The following NOPCHAP1 variants were observed in gnomAD, a reference collection of about 807,000 sequenced individuals.
NOPCHAP1 encodes NOP protein chaperone 1, also known as DNA damage-sensitive RNA 1.
NOPCHAP1 carries 13 observed loss-of-function variants against 14.0 expected under a neutral mutation model. The ratio of observed to expected loss-of-function variants is 0.93; its 90% CI spans 0.60 to 1.47. NOPCHAP1 has a LOEUF of 1.47. NOPCHAP1 is among the 40% of genes most tolerant of loss of function. NOPCHAP1 has a pLI of 0.00. For missense variants in NOPCHAP1, 230 were observed against 226.9 expected (o/e 1.01, Z -0.09); for synonymous variants, 78 against 78.4 (o/e 1.00, Z 0.03).
At position 104,991,781 on chromosome 12, in the gene NOPCHAP1, C is replaced by A; in HGVS notation, c.272C>A (p.Ala91Glu). The change falls in exon 3 of 4, where the codon GCA becomes GAA. Residue 91 changes from alanine to glutamate, a missense_variant. Coordinates refer to ENST00000552951, the MANE Select transcript of NOPCHAP1 (RefSeq NM_152318.3). ...AATGAAAAGCTAAGAAAAGAAATGG[C>A]AGCTGCACCACCTGGTCGTTTCAAT... The part of the protein sequence containing the change: ...RANEKLRKEM[A>E]AAPPGRFNIE... 1.2e-6 allele frequency: 2 copies of A among 1,613,632 alleles called. No individual in the cohort carries two copies. The highest frequency in any genetic ancestry group is 1.7e-6 in the Non-Finnish European group (2 of 1,179,868).
chr12:104,987,181 G>A (rs755018539), intron 1 of NOPCHAP1, among the ~76,000 whole-genome samples: 3 of 152,212 alleles, frequency 2.0e-5, no homozygotes, highest in Non-Finnish European at 4.4e-5. Flanking sequence ...GGTTTTGTGA[G>A]AACCCAGAGA....
rs1011617731 is a variant in NOPCHAP1, at chr12:104,997,771, C to T, written c.*3075C>T. 6.6e-6 allele frequency: 1 copy of T among 152,206 alleles called. No individual in the cohort carries two copies. 9.4% of individuals were successfully genotyped at this position (152,206 alleles called of 1,614,324 possible). A position where few individuals can be genotyped will look rare whatever the true frequency, so the allele number is the denominator to read the frequency against. ...TCTCTAGCAAGGTTGGGGAAGTTTT[C>T]ATCAGCGATATCCTGAAATATGTTT... On this transcript the variant is annotated 3_prime_UTR_variant, in exon 4 of 4. Coordinates refer to ENST00000552951, the MANE Select transcript of NOPCHAP1 (RefSeq NM_152318.3).
At chr12:104,994,186 A>G (rs920092196) in intron 3 of NOPCHAP1, among the ~76,000 whole-genome samples, 2 of 152,106 alleles carry the variant, frequency 1.3e-5, no homozygotes, top group Non-Finnish European at 2.9e-5. Context: ...CTCTACTGAA[A>G]ATACAAAAAT....
At chr12:104,992,521 C>T (rs981527052) in intron 3 of NOPCHAP1, among the ~76,000 whole-genome samples, 2 of 152,164 alleles carry the variant, frequency 1.3e-5, no homozygotes, top group Admixed American at 6.5e-5. Context: ...CTGGGGGCTT[C>T]CCATCACGTT....
chr12:105,016,956 G>A lies in NOPCHAP1; in HGVS notation c.*22260G>A, dbSNP rs1017335523. 2 of 152,200 alleles carry A rather than the reference G, an allele frequency of 1.3e-5. No homozygotes were observed. The highest frequency in any genetic ancestry group is 4.8e-5 in the African/African-American group (2 of 41,450). 9.4% of individuals were successfully genotyped at this position (152,200 alleles called of 1,614,324 possible). ...TTGATGGCAGTTTGGCATTTGGAGA[G>A]CAGTTGCACTCCTAAAATGAGTGAA... On this transcript the variant is annotated 3_prime_UTR_variant, in exon 4 of 4. Coordinates refer to ENST00000552951, the MANE Select transcript of NOPCHAP1 (RefSeq NM_152318.3).
Position 105,014,542 on chromosome 12 carries a change from T to G in NOPCHAP1, c.*19846T>G, listed in dbSNP as rs1253126702. On this transcript the variant is annotated 3_prime_UTR_variant, in exon 4 of 4. Transcript: ENST00000552951. ...TTCTCAAACATACCTATTTTTATTT[T>G]AAGAATTCCTTTCTAGTTTGAGTTG... 1 of 152,242 alleles carries G rather than the reference T, an allele frequency of 6.6e-6. No homozygotes were observed. Among genetic ancestry groups the G allele is most frequent in the Admixed American group, 6.5e-5 (1 of 15,290 alleles). 9.4% of individuals were successfully genotyped at this position (152,242 alleles called of 1,614,324 possible).
At position 105,003,008 on chromosome 12, in the gene NOPCHAP1, G is replaced by A. The variant is rs1386597059; in HGVS notation, c.*8312G>A. On this transcript the variant is annotated 3_prime_UTR_variant, in exon 4 of 4. Coordinates refer to ENST00000552951, the MANE Select transcript of NOPCHAP1 (RefSeq NM_152318.3). ...GAGTATTGAGGTAAAGATGGGTAAA[G>A]AGAAAGAACAAAACAGGTTTGAATC... is the stretch of plus-strand genomic sequence containing the variant. The A allele has an allele frequency of 6.6e-6, 1 of 152,190 alleles. No individual in the cohort carries two copies. Among genetic ancestry groups the A allele is most frequent in the Non-Finnish European group, 1.5e-5 (1 of 68,026 alleles). 9.4% of individuals were successfully genotyped at this position (152,190 alleles called of 1,614,324 possible).
rs181823469 is a variant in NOPCHAP1, at chr12:104,994,915, C to T, written c.*219C>T. The T allele has an allele frequency of 7.9e-6, 4 of 507,312 alleles. No homozygotes were observed. The highest frequency in any genetic ancestry group is 3.7e-5 in the East Asian group (1 of 27,204). The allele number at this position is 507,312 out of a possible 1,614,324, so 31.4% of individuals were successfully genotyped here. ...AAGGGGTTCAGAGACCTCCGCTCTA[C>T]AGCAAGGAAAGTGTGCTTTTATCAG... On this transcript the variant is annotated 3_prime_UTR_variant, in exon 4 of 4. Coordinates refer to ENST00000552951, the MANE Select transcript of NOPCHAP1 (RefSeq NM_152318.3).
chr12:104,986,542 G>A (rs1184283623), intron 1 of NOPCHAP1, 75 bp downstream of exon 1: 8 of 1,255,370 alleles, frequency 6.4e-6, no homozygotes, highest in Non-Finnish European at 8.6e-6. Flanking sequence ...TTTGGGAGCC[G>A]GCCGGTGGCT....
rs1002180807 is a variant in NOPCHAP1, at chr12:105,006,889, T to C, written c.*12193T>C. ...TATTTCGTTTGTGGCATTTTTTTTTTCCAGATGAGGGTACTTCTGTTTGTA... is the reference window on the plus strand; with the variant it reads ...TATTTCGTTTGTGGCATTTTTTTTTCCCAGATGAGGGTACTTCTGTTTGTA... On this transcript the variant is annotated 3_prime_UTR_variant, in exon 4 of 4. Coordinates refer to ENST00000552951, the MANE Select transcript of NOPCHAP1 (RefSeq NM_152318.3). 3 of 152,178 alleles carry C rather than the reference T, an allele frequency of 2.0e-5. No homozygotes were observed. Among genetic ancestry groups the C allele is most frequent in the African/African-American group, 7.2e-5 (3 of 41,446 alleles). 9.4% of individuals were successfully genotyped at this position (152,178 alleles called of 1,614,324 possible). A position where few individuals can be genotyped will look rare whatever the true frequency, so the allele number is the denominator to read the frequency against.
At chr12:104,988,903 A>T (rs554386469) in intron 2 of NOPCHAP1, among the ~76,000 whole-genome samples, 1 of 152,260 alleles carries the variant, frequency 6.6e-6, no homozygotes, top group South Asian at 2.1e-4. Context: ...AGCTGAAATG[A>T]CCATATGGTG....
rs1233995862 is a variant in NOPCHAP1, at chr12:105,007,677, C to T, written c.*12981C>T. The T allele has an allele frequency of 6.6e-6, 1 of 151,476 alleles. No individual in the cohort carries two copies. The highest frequency in any genetic ancestry group is 2.4e-5 in the African/African-American group (1 of 41,138). The allele number at this position is 151,476 out of a possible 1,614,324, so 9.4% of individuals were successfully genotyped here. On this transcript the variant is annotated 3_prime_UTR_variant, in exon 4 of 4. Transcript: ENST00000552951. ...CCCTAGGCCCCCACCCCCCAACAGG[C>T]CCCAGTGTGTGATGTTCCCCTCCCT...
Position 104,996,718 on chromosome 12 carries a change from C to T in NOPCHAP1, c.*2022C>T, listed in dbSNP as rs1193987205. 1 of 152,124 alleles carries T rather than the reference C, an allele frequency of 6.6e-6. No homozygotes were observed. The highest frequency in any genetic ancestry group is 2.4e-5 in the African/African-American group (1 of 41,414). The allele number at this position is 152,124 out of a possible 1,614,324, so 9.4% of individuals were successfully genotyped here. A position where few individuals can be genotyped will look rare whatever the true frequency, so the allele number is the denominator to read the frequency against. On this transcript the variant is annotated 3_prime_UTR_variant, in exon 4 of 4. Transcript: ENST00000552951. ...ACTGTCAGTGGGGTGTTAAAGTCTCCCACTATTATCTAGCTCTCTTTGTAG... is the reference window on the plus strand; with the variant it reads ...ACTGTCAGTGGGGTGTTAAAGTCTCTCACTATTATCTAGCTCTCTTTGTAG...
Position 105,000,859 on chromosome 12 carries a change from C to T in NOPCHAP1, c.*6163C>T, listed in dbSNP as rs1317584494. On this transcript the variant is annotated 3_prime_UTR_variant, in exon 4 of 4. Coordinates refer to ENST00000552951, the MANE Select transcript of NOPCHAP1 (RefSeq NM_152318.3). ...AAGGCCTTGCAGTATTTAGTCATGT[C>T]AGTTTACAGGAGCAGGAGATATATG... The T allele has an allele frequency of 1.3e-5, 2 of 151,728 alleles. No homozygotes were observed. The highest frequency in any genetic ancestry group is 2.9e-5 in the Non-Finnish European group (2 of 67,952). 9.4% of individuals were successfully genotyped at this position (151,728 alleles called of 1,614,324 possible). A position where few individuals can be genotyped will look rare whatever the true frequency, so the allele number is the denominator to read the frequency against.
rs1391879413 is a variant in NOPCHAP1, at chr12:104,996,335, TA to T, written c.*1644del. The T allele has an allele frequency of 6.6e-6, 1 of 152,102 alleles. No homozygotes were observed. Among genetic ancestry groups the T allele is most frequent in the Non-Finnish European group, 1.5e-5 (1 of 68,012 alleles). The allele number at this position is 152,102 out of a possible 1,614,324, so 9.4% of individuals were successfully genotyped here. On this transcript the variant is annotated 3_prime_UTR_variant, in exon 4 of 4. Coordinates refer to ENST00000552951, the MANE Select transcript of NOPCHAP1 (RefSeq NM_152318.3). ...TACTTTTTTATAGTTCCCCTCCTTT[TA>T]AAAAGATGTTTTACATTTTATTATT...
chr12:104,991,258 C>G (rs1217883558), intron 2 of NOPCHAP1, among the ~76,000 whole-genome samples: 2 of 152,022 alleles, frequency 1.3e-5, no homozygotes, highest in Admixed American at 6.6e-5. Flanking sequence ...AAAAGGAAAG[C>G]CAGGGTTATA....
intron 1 of NOPCHAP1, among the ~76,000 whole-genome samples, chr12:104,987,374 G>T (rs190092955): frequency 6.6e-6 from 1 of 152,266 alleles, no homozygotes; most frequent in Non-Finnish European, 1.5e-5. Context: ...GAGATCATGT[G>T]GCTAGAAAGT....
At chr12:104,990,341 A>G (rs1565938465) in intron 2 of NOPCHAP1, among the ~76,000 whole-genome samples, 1 of 152,222 alleles carries the variant, frequency 6.6e-6, no homozygotes, top group East Asian at 1.9e-4. Context: ...CAAAAGCAGT[A>G]CCAGATTTTC....
In NOPCHAP1 at chr12:105,007,392, A is replaced by G. The variant is rs571181210; in HGVS notation, c.*12696A>G. On this transcript the variant is annotated 3_prime_UTR_variant, in exon 4 of 4. Coordinates refer to ENST00000552951, the MANE Select transcript of NOPCHAP1 (RefSeq NM_152318.3). ...CAGACCTCAGTCTATGGTACACATC[A>G]AGCAATTCATATTTTTCTTGTAATG... The G allele has an allele frequency of 6.6e-6, 1 of 152,338 alleles. No homozygotes were observed. The highest frequency in any genetic ancestry group is 1.9e-4 in the East Asian group (1 of 5,190). The allele number at this position is 152,338 out of a possible 1,614,324, so 9.4% of individuals were successfully genotyped here. A position where few individuals can be genotyped will look rare whatever the true frequency, so the allele number is the denominator to read the frequency against.
Sources: allele counts gnomAD v4.1 joint callset (sites outside exome capture counted in the v4.1 genomes callset), GRCh38; gene constraint gnomAD v4.1.1; transcripts MANE v1.5; gene names NCBI Gene and HGNC (gene_info 2026-07-23, HGNC 2026-07-21).